The following INTU variants were observed in gnomAD, a reference collection of about 807,000 sequenced individuals.
INTU encodes protein inturned.
Under a neutral mutation model 100.5 loss-of-function variants are expected in INTU, and 68 were observed. The observed-to-expected ratio is 0.68, with a 90% CI of 0.56 to 0.83. The LOEUF is 0.83. INTU is among the 40% of genes least tolerant of loss of function. The pLI is 0.00. For synonymous variants in INTU, 357 were observed against 395.7 expected (o/e 0.90, Z 1.16); for missense variants, 1,071 against 1,114.7 (o/e 0.96, Z 0.56).
rs929806317 is a variant in INTU at position 127,717,493 on chromosome 4, A to T, written c.*1057A>T. ...TAATTGAATGATTTATATTACTTTG[A>T]GTATAAACCCAGTAATGGGATTGCT... is the stretch of plus-strand genomic sequence containing the variant. On this transcript the variant is annotated 3_prime_UTR_variant, in exon 16 of 16. Transcript: ENST00000335251. 1 of 152,134 alleles carries T rather than the reference A, an allele frequency of 6.6e-6. No homozygotes were observed. The highest frequency in any genetic ancestry group is 2.4e-5 in the African/African-American group (1 of 41,420). The allele number at this position is 152,134 out of a possible 1,614,324, so 9.4% of individuals were successfully genotyped here. A position where few individuals can be genotyped will look rare whatever the true frequency, so the allele number is the denominator to read the frequency against.
chr4:127,690,839 T>C (rs949349680), intron 8 of INTU, among the ~76,000 whole-genome samples: 1 of 152,082 alleles, frequency 6.6e-6, no homozygotes, highest in Admixed American at 6.6e-5. Context: ...TGAACCTACA[T>C]TGACACATCA....
At chr4:127,682,011 C>T (rs921364892) in intron 6 of INTU, among the ~76,000 whole-genome samples, 4 of 149,616 alleles carry the variant, frequency 2.7e-5, no homozygotes, top group Non-Finnish European at 5.9e-5. Context: ...AAATGCTCAT[C>T]ATCACTGGCC....
chr4:127,662,315 A>G (rs1299170326), intron 3 of INTU, among the ~76,000 whole-genome samples: 1 of 151,932 alleles, frequency 6.6e-6, no homozygotes, highest in African/African-American at 2.4e-5. Context: ...TTTTTGTTGC[A>G]TTTGCTTTTG....
At chr4:127,690,683 C>T (rs1578609938) in intron 8 of INTU, among the ~76,000 whole-genome samples, 2 of 152,088 alleles carry the variant, frequency 1.3e-5, no homozygotes, top group East Asian at 3.9e-4. Flanking sequence ...TTTTTTTATT[C>T]TATTTTTTAC....
intron 8 of INTU, among the ~76,000 whole-genome samples, chr4:127,697,487 ACCATTC>A (rs57111189): frequency 0.61 from 91,524 of 150,922 alleles, 28,581 homozygotes; most frequent in African/African-American, 0.75. Context: ...TTTGGTAATC[ACCATTC>A]CCATTCTACT....
intron 8 of INTU, among the ~76,000 whole-genome samples, chr4:127,692,404 G>A (rs757536861): frequency 2.2e-4 from 33 of 152,080 alleles, no homozygotes; most frequent in Middle Eastern, 3.4e-3. Flanking sequence ...AGAATTGTCC[G>A]TTCATCTCCT....
chr4:127,668,370 A>G (rs1728784604), intron 4 of INTU, among the ~76,000 whole-genome samples: 1 of 151,920 alleles, frequency 6.6e-6, no homozygotes, highest in Admixed American at 6.6e-5. Flanking sequence ...ATTTTCCATG[A>G]TTTAAAATAA....
rs760596055 is a variant in INTU at position 127,687,761 on chromosome 4, T to A, written c.1343T>A (p.Leu448Gln). 1.9e-6 allele frequency: 3 copies of A among 1,613,608 alleles called. No individual in the cohort carries two copies. The highest frequency in any genetic ancestry group is 2.5e-6 in the Non-Finnish European group (3 of 1,179,670). The change falls in exon 8 of 16, where the codon CTG (leucine) becomes CAG (glutamine). Residue 448 changes from leucine to glutamine, a missense_variant. By Grantham distance (113) the Leu-to-Gln change is moderately radical. Transcript: ENST00000335251. ...FFQRALQPAK[L>Q]HSSASPSAQQ... ...CAAAGAGCACTTCAGCCTGCGAAAC[T>A]GCATTCCAGCGCCAGTCCCAGTGCT...
At chr4:127,641,212 A>C (rs1439605217) in intron 1 of INTU, among the ~76,000 whole-genome samples, 1 of 152,166 alleles carries the variant, frequency 6.6e-6, no homozygotes, top group Admixed American at 6.6e-5. Flanking sequence ...TTTACTTGCC[A>C]AAGTAGACCT....
chr4:127,645,982 A>G (rs1578532588), intron 2 of INTU, among the ~76,000 whole-genome samples: 1 of 151,990 alleles, frequency 6.6e-6, no homozygotes, highest in Admixed American at 6.5e-5. Context: ...CAGGAGTTTG[A>G]GACCAGCCTG....
At chr4:127,671,746 TGTG>T (rs1169806953) in intron 5 of INTU, among the ~76,000 whole-genome samples, 1 of 151,530 alleles carries the variant, frequency 6.6e-6, no homozygotes, top group Non-Finnish European at 1.5e-5. Context: ...ATAAAGAAAA[TGTG>T]GTGTATGTAT....
chr4:127,654,356 G>A (rs1052571965), intron 2 of INTU, among the ~76,000 whole-genome samples: 10 of 152,188 alleles, frequency 6.6e-5, no homozygotes, highest in Non-Finnish European at 8.8e-5. Flanking sequence ...TGCAGCGGCC[G>A]GTACCGGTTG....
intron 8 of INTU, among the ~76,000 whole-genome samples, chr4:127,691,668 T>C (rs1042137912): frequency 6.6e-6 from 1 of 151,926 alleles, no homozygotes; most frequent in African/African-American, 2.4e-5. Flanking sequence ...TTAGTGGCAA[T>C]TTCTGCAATT....
chr4:127,677,296 C>T (rs1422724448), intron 6 of INTU, among the ~76,000 whole-genome samples: 1 of 152,040 alleles, frequency 6.6e-6, no homozygotes, highest in African/African-American at 2.4e-5. Context: ...CAGACTGCCT[C>T]CTCAAGTGGG....
chr4:127,681,324 G>C (rs187993737), intron 6 of INTU, among the ~76,000 whole-genome samples: 2 of 151,006 alleles, frequency 1.3e-5, no homozygotes, highest in Admixed American at 1.3e-4. Flanking sequence ...AACAAAGCTG[G>C]AGGCATCACC....
At chr4:127,676,970 C>G (rs1313674977) in intron 6 of INTU, among the ~76,000 whole-genome samples, 1 of 152,162 alleles carries the variant, frequency 6.6e-6, no homozygotes, top group Non-Finnish European at 1.5e-5. Context: ...CTCGGAGGGT[C>G]CTACGCCCAC....
intron 2 of INTU, among the ~76,000 whole-genome samples, chr4:127,645,066 C>A (rs1727513339): frequency 6.6e-6 from 1 of 152,138 alleles, no homozygotes; most frequent in East Asian, 1.9e-4. Context: ...TAGGGGTTTA[C>A]AAGGAGGATC....
intron 7 of INTU, chr4:127,686,276 TG>T (rs1386051325): frequency 6.6e-6 from 1 of 152,310 alleles, no homozygotes; most frequent in Non-Finnish European, 1.5e-5. Context: ...CAGCAAGTCC[TG>T]ATCAGTCTGT....
chr4:127,681,334 C>G (rs1045585104), intron 6 of INTU, among the ~76,000 whole-genome samples: 1 of 150,084 alleles, frequency 6.7e-6, no homozygotes, highest in Non-Finnish European at 1.5e-5. Flanking sequence ...GAGGCATCAC[C>G]CTACCTGACT....
Sources: gnomAD v4.1 joint callset for allele counts (sites outside exome capture counted in the v4.1 genomes callset) on GRCh38, gnomAD v4.1.1 for gene constraint, MANE v1.5 for transcripts, NCBI Gene and HGNC (gene_info 2026-07-23, HGNC 2026-07-21) for gene names.